The following SPAG16 variants were observed in gnomAD, a reference collection of about 807,000 sequenced individuals.
The protein encoded by SPAG16 is sperm-associated antigen 16 protein.
SPAG16 carries 86 observed loss-of-function variants against 80.4 expected under a neutral mutation model. The observed-to-expected ratio is 1.07, with a 90% confidence interval of 0.90 to 1.28. The LOEUF (loss-of-function observed/expected upper bound fraction) is 1.28. SPAG16 is among the 50% of genes most tolerant of loss of function. The pLI, the probability that SPAG16 is intolerant of heterozygous loss-of-function variation, is 0.00. For missense variants in SPAG16, 870 were observed against 765.3 expected (o/e 1.14, Z -1.61); for synonymous variants, 294 against 265.9 (o/e 1.11, Z -1.03).
intron 13 of SPAG16, among the ~76,000 whole-genome samples, chr2:214,066,001 C>T (rs535522851): frequency 6.6e-6 from 1 of 152,300 alleles, no homozygotes; most frequent in African/African-American, 2.4e-5. Context: ...TGCAGATTAT[C>T]ATCTGTTCTA....
intron 11 of SPAG16, among the ~76,000 whole-genome samples, chr2:213,900,398 A>C (rs1291399587): frequency 6.6e-6 from 1 of 152,168 alleles, no homozygotes; most frequent in East Asian, 1.9e-4. Context: ...CACCGATATT[A>C]AAATAATTAA....
rs200580465 is a variant in SPAG16 at position 213,819,535 on chromosome 2, C to T, written c.1071-42950C>T. On this transcript the variant is annotated intron_variant, in intron 10 of 15. Coordinates refer to ENST00000331683, the MANE Select transcript of SPAG16 (RefSeq NM_024532.5). ...TGTTGTGAGAGTAAAGGAATAAATG[C>T]ACATTCTTTGAAAACTTTTTTTTTT... 9.9e-5 allele frequency among the ~76,000 whole-genome samples: 15 copies of T among 152,150 alleles called. 1 individual carries two copies. In the East Asian group the frequency reaches 2.5e-3, roughly 25 times the overall value.
intron 13 of SPAG16, among the ~76,000 whole-genome samples, chr2:214,030,135 C>T (rs10184425): frequency 0.12 from 17,977 of 152,072 alleles, 1,382 homozygotes; most frequent in East Asian, 0.24. Flanking sequence ...TCTCTATTTC[C>T]CCCTTCCGCA....
At chr2:214,375,891 A>G (rs966824859) in intron 15 of SPAG16, among the ~76,000 whole-genome samples, 42 of 152,242 alleles carry the variant, frequency 2.8e-4, no homozygotes, top group African/African-American at 9.9e-4. Context: ...TTGATTTCAC[A>G]AGTTAACATT....
intron 1 of SPAG16, among the ~76,000 whole-genome samples, chr2:213,293,001 C>T (rs923076153): frequency 3.5e-4 from 53 of 152,174 alleles, no homozygotes; most frequent in African/African-American, 1.2e-3. Context: ...TGTCCCCACC[C>T]TAATCTCACC....
At chr2:213,635,471 GT>G in intron 10 of SPAG16, among the ~76,000 whole-genome samples, 1 of 152,220 alleles carries the variant, frequency 6.6e-6, no homozygotes, top group East Asian at 1.9e-4. Context: ...TTTACTTTTA[GT>G]TTTTTCAGGA....
intron 13 of SPAG16, among the ~76,000 whole-genome samples, chr2:214,098,365 C>T (rs1385615452): frequency 6.6e-6 from 1 of 151,886 alleles, no homozygotes; most frequent in Non-Finnish European, 1.5e-5. Flanking sequence ...TGGAAGGTGA[C>T]TGTATTTGGA....
intron 15 of SPAG16, among the ~76,000 whole-genome samples, chr2:214,361,746 C>T (rs1417059969): frequency 1.3e-5 from 2 of 151,774 alleles, no homozygotes; most frequent in Non-Finnish European, 3.0e-5. Context: ...CCTTTTATGT[C>T]TTTTTAAAAC....
At chr2:214,016,569 A>G (rs542421231) in intron 13 of SPAG16, among the ~76,000 whole-genome samples, 1 of 152,308 alleles carries the variant, frequency 6.6e-6, no homozygotes, top group East Asian at 1.9e-4. Context: ...GATGAATAGG[A>G]GAAAAGATTG....
chr2:214,365,105 G>A (rs930256530), intron 15 of SPAG16, among the ~76,000 whole-genome samples: 4 of 152,120 alleles, frequency 2.6e-5, no homozygotes, highest in Admixed American at 6.6e-5. Flanking sequence ...GAAGAGAGAC[G>A]ATAACTGAGA....
intron 10 of SPAG16, among the ~76,000 whole-genome samples, chr2:213,523,364 T>G (rs1431114219): frequency 6.6e-6 from 1 of 152,230 alleles, no homozygotes; most frequent in Non-Finnish European, 1.5e-5. Flanking sequence ...AACCTCATTC[T>G]TTTATAAATT....
chr2:214,403,507 A>G (rs1701831192), intron 15 of SPAG16, among the ~76,000 whole-genome samples: 1 of 152,084 alleles, frequency 6.6e-6, no homozygotes, highest in African/African-American at 2.4e-5. Context: ...CCTGGTGAGC[A>G]TTTTACAATT....
chr2:213,581,522 TA>T (rs932084749), intron 10 of SPAG16, among the ~76,000 whole-genome samples: 15 of 152,218 alleles, frequency 9.9e-5, no homozygotes, highest in African/African-American at 2.2e-4. Flanking sequence ...GCCCTCTATT[TA>T]AAGGCCCTAA....
chr2:214,097,452 C>A (rs1194286232), intron 13 of SPAG16, among the ~76,000 whole-genome samples: 1 of 151,992 alleles, frequency 6.6e-6, no homozygotes, highest in African/African-American at 2.4e-5. Context: ...TGGACAAGAA[C>A]GCAACAGTGC....
intron 15 of SPAG16, among the ~76,000 whole-genome samples, chr2:214,271,186 A>G (rs187591682): frequency 2.0e-5 from 3 of 152,300 alleles, no homozygotes; most frequent in South Asian, 4.1e-4. Flanking sequence ...GCCAAACTGC[A>G]TTATTATTTC....
At chr2:213,797,080 C>T (rs1427908365) in intron 10 of SPAG16, among the ~76,000 whole-genome samples, 1 of 151,422 alleles carries the variant, frequency 6.6e-6, no homozygotes, top group Non-Finnish European at 1.5e-5. Flanking sequence ...ATAGAATCAA[C>T]CTTATAGAAT....
intron 10 of SPAG16, among the ~76,000 whole-genome samples, chr2:213,777,015 A>C (rs552137759): frequency 1.3e-5 from 2 of 152,196 alleles, no homozygotes; most frequent in East Asian, 3.9e-4. Context: ...TGACTTTTTG[A>C]AATACTGTAC....
intron 13 of SPAG16, among the ~76,000 whole-genome samples, chr2:214,072,076 G>A (rs2125228582): frequency 6.6e-6 from 1 of 152,032 alleles, no homozygotes; most frequent in East Asian, 1.9e-4. Context: ...TTACAGGAAG[G>A]TGCTTTTTTT....
chr2:214,287,139 G>T (rs1026962692), intron 15 of SPAG16, among the ~76,000 whole-genome samples: 21 of 152,120 alleles, frequency 1.4e-4, no homozygotes, highest in African/African-American at 4.8e-4. Flanking sequence ...TTTAGCAAAT[G>T]CCATAATCAT....
Sources: gnomAD v4.1 joint callset for allele counts (sites outside exome capture counted in the v4.1 genomes callset) on GRCh38, gnomAD v4.1.1 for gene constraint, MANE v1.5 for transcripts, NCBI Gene and HGNC (gene_info 2026-07-23, HGNC 2026-07-21) for gene names.